Variants in STK10 observed in about 807,000 individuals in gnomAD.
STK10 encodes serine/threonine kinase 10.
In STK10, 78 loss-of-function variants were observed where a neutral mutation model predicts 113.8. That is an observed-to-expected ratio of 0.69 (90% confidence interval 0.57 to 0.83). STK10 has a LOEUF of 0.83. STK10 is among the 40% of genes least tolerant of loss of function. The pLI is 0.00. For synonymous variants in STK10, 465 were observed against 494.7 expected (o/e 0.94, Z 0.80); for missense variants, 1,109 against 1,280.1 (o/e 0.87, Z 2.04).
intron 12 of STK10, among the ~76,000 whole-genome samples, chr5:172,081,243 C>T (rs945950584): frequency 4.0e-5 from 6 of 149,764 alleles, no homozygotes; most frequent in African/African-American, 1.2e-4. Flanking sequence ...CCCAGCTACT[C>T]GGGAGGCTGA....
chr5:172,050,269 G>A (rs962733831), intron 18 of STK10, among the ~76,000 whole-genome samples: 8 of 152,160 alleles, frequency 5.3e-5, no homozygotes, highest in African/African-American at 7.2e-5. Context: ...CATAAGGCCC[G>A]CCTGCTGCCG....
At chr5:172,171,618 A>G (rs2087612) in intron 1 of STK10, among the ~76,000 whole-genome samples, 72,025 of 151,900 alleles carry the variant, frequency 0.47, 19,307 homozygotes, top group African/African-American at 0.75. Flanking sequence ...AGGAAGCTGA[A>G]GCAGGAGAAT....
chr5:172,065,292 CTTTTTTT>C (rs535856789), intron 12 of STK10, among the ~76,000 whole-genome samples: 2 of 123,204 alleles, frequency 1.6e-5, no homozygotes, highest in South Asian at 5.1e-4. Flanking sequence ...TGAAAATGCA[CTTTTTTT>C]TTTTTTTTTT....
chr5:172,083,405 A>G (rs1354234256), intron 10 of STK10, among the ~76,000 whole-genome samples: 2 of 152,212 alleles, frequency 1.3e-5, no homozygotes, highest in Non-Finnish European at 2.9e-5. Context: ...AATACAAATG[A>G]AAAAGAAACT....
intron 15 of STK10, chr5:172,056,946 AGAAAGAAG>A (rs1181136020): frequency 2.7e-4 from 24 of 89,184 alleles, no homozygotes; most frequent in African/African-American, 1.4e-3. Flanking sequence ...AAAGAAAGAA[AGAAAGAAG>A]GAAAGAAAGA....
Position 172,044,971 on chromosome 5 carries a change from T to G in STK10, c.2818A>C (p.Lys940Gln), listed in dbSNP as rs1581126520. The G allele has an allele frequency of 6.2e-7, 1 of 1,614,194 alleles. No homozygotes were observed. The highest frequency in any genetic ancestry group is 8.5e-7 in the Non-Finnish European group (1 of 1,180,030). Residue 940 changes from lysine (K) to glutamine (Q), a missense_variant, in exon 19 of 19, where the codon AAG (lysine) becomes CAG (glutamine). Lys to Gln is a moderately conservative substitution (Grantham distance 53). Coordinates refer to ENST00000176763, the MANE Select transcript of STK10 (RefSeq NM_005990.4). This position sits in a 1 kb window ranked among gnomAD's most constrained non-coding sequence, Gnocchi z 4.5. ...GGGCACTCCGCCTCCTCGCTCAGCT[T>G]GAAGAACATCTCCTGCTCCCGCTTC... is the stretch of plus-strand genomic sequence containing the variant. ...QKKREQEMFF[K>Q]LSEEAECPNP...
Position 172,082,971 on chromosome 5 carries a change from T to A in STK10, c.1799A>T (p.Gln600Leu), listed in dbSNP as rs761235458. The A allele has an allele frequency of 1.2e-6, 2 of 1,613,620 alleles. No homozygotes were observed. Among genetic ancestry groups the A allele is most frequent in the Admixed American group, 1.7e-5 (1 of 59,990 alleles). ...QLEQMHKRFEQEINAKKKFFD... is the reference protein window; with the variant it reads ...QLEQMHKRFELEINAKKKFFD... ...TTTTCTCGCACTCACGTTGATTTCC[T>A]GTTCAAAACGTTTATGCATTTGCTC... is the stretch of plus-strand genomic sequence containing the variant. The change falls in exon 11 of 19, where the codon CAG (glutamine) becomes CTG (leucine). Residue 600 changes from glutamine to leucine, a missense_variant. By Grantham distance (113) the Gln-to-Leu change is moderately radical (BLOSUM62 -2). Around this residue, in one of 5 missense-constraint regions of STK10, gnomAD observed 885 missense variants for 991.1 expected, o/e 0.89. Coordinates refer to ENST00000176763, the MANE Select transcript of STK10 (RefSeq NM_005990.4). This position sits in a 1 kb window ranked among gnomAD's most constrained non-coding sequence, Gnocchi z 4.3.
In STK10 at chr5:172,082,281, C is replaced by G. The variant is rs748302809; in HGVS notation, c.1989+45G>C. On this transcript the variant is annotated intron_variant, in intron 12 of 18. Transcript: ENST00000176763. This position sits in a 1 kb window ranked among gnomAD's most constrained non-coding sequence, Gnocchi z 4.3. The stretch of plus-strand genomic sequence containing the variant: ...ACGATCACTTGCAACCAAGAAGGCC[C>G]CTAATACTCCGAGATGCCCCTGCCC... 4 of 1,462,314 alleles carry G rather than the reference C, an allele frequency of 2.7e-6. No homozygotes were observed. The highest frequency in any genetic ancestry group is 2.9e-5 in the African/African-American group (2 of 68,918). The allele number at this position is 1,462,314 out of a possible 1,614,324, so 90.6% of individuals were successfully genotyped here. A position where few individuals can be genotyped will look rare whatever the true frequency, so the allele number is the denominator to read the frequency against.
At chr5:172,056,716 A>G (rs1767769887) in intron 15 of STK10, among the ~76,000 whole-genome samples, 1 of 150,880 alleles carries the variant, frequency 6.6e-6, no homozygotes, top group Admixed American at 6.6e-5. Flanking sequence ...AAAAAAAAAA[A>G]TACAAAAATT....
intron 14 of STK10, among the ~76,000 whole-genome samples, chr5:172,059,419 C>A (rs978274208): frequency 1.6e-5 from 2 of 128,392 alleles, no homozygotes; most frequent in East Asian, 4.4e-4. Context: ...AGTGAGACAG[C>A]GAGACTCTCC....
intron 12 of STK10, among the ~76,000 whole-genome samples, chr5:172,065,887 C>T (rs1455534246): frequency 2.0e-5 from 3 of 152,188 alleles, no homozygotes; most frequent in Admixed American, 2.0e-4. Flanking sequence ...GGCAACACTC[C>T]TGCCCTCCTG....
At chr5:172,138,894 G>A (rs1769922961) in intron 2 of STK10, among the ~76,000 whole-genome samples, 2 of 152,080 alleles carry the variant, frequency 1.3e-5, no homozygotes, top group African/African-American at 4.8e-5. Flanking sequence ...GGTGCCTGTA[G>A]TCCCAGCTAC....
At chr5:172,153,749 G>A (rs1040800036) in intron 2 of STK10, among the ~76,000 whole-genome samples, 1 of 152,234 alleles carries the variant, frequency 6.6e-6, no homozygotes, top group Non-Finnish European at 1.5e-5. Context: ...TCACACAGAA[G>A]GAAATATCAA....
intron 14 of STK10, among the ~76,000 whole-genome samples, 185 bp from the exon 15 acceptor site, chr5:172,057,658 T>A (rs1056009310): frequency 6.6e-6 from 1 of 152,190 alleles, no homozygotes; most frequent in Non-Finnish European, 1.5e-5. Flanking sequence ...GCCTAGAAAC[T>A]TCCTTTAAGC....
chr5:172,057,004 GGAAA>G (rs57276469), intron 15 of STK10: 1,341 of 73,446 alleles, frequency 0.018, 37 homozygotes, highest in Admixed American at 0.057. Flanking sequence ...AGAGAAAGAA[GGAAA>G]GAAAGAAAGA....
intron 1 of STK10, 62 bp from the exon 2 acceptor site, chr5:172,156,850 G>GT (rs1170676470): frequency 1.6e-4 from 243 of 1,559,152 alleles, no homozygotes; most frequent in Non-Finnish European, 2.0e-4. Context: ...ACCTTTGGAC[G>GT]TGAGCCCGCA....
At chr5:172,113,503 C>T (rs761943441) in intron 4 of STK10, among the ~76,000 whole-genome samples, 1 of 152,044 alleles carries the variant, frequency 6.6e-6, no homozygotes, top group African/African-American at 2.4e-5. Context: ...AAGAAAAACA[C>T]GAAAATAATC....
At chr5:172,105,943 G>T (rs1020282662) in intron 6 of STK10, among the ~76,000 whole-genome samples, 5 of 152,212 alleles carry the variant, frequency 3.3e-5, no homozygotes, top group Non-Finnish European at 7.3e-5. Flanking sequence ...CGAGGAGCAG[G>T]GACGTGCCCA....
chr5:172,165,446 C>T (rs1251470244), intron 1 of STK10, among the ~76,000 whole-genome samples: 1 of 152,196 alleles, frequency 6.6e-6, no homozygotes, highest in Non-Finnish European at 1.5e-5. Flanking sequence ...GTTCCTGGGG[C>T]ACCCCTAACC....
Sources: gnomAD v4.1 joint callset for allele counts (sites outside exome capture counted in the v4.1 genomes callset) on GRCh38, gnomAD v4.1.1 for gene constraint, gnomAD v4.1.1 regional missense constraint, Gnocchi (gnomAD v3.1) non-coding constraint, MANE v1.5 for transcripts, NCBI Gene and HGNC (gene_info 2026-07-23, HGNC 2026-07-21) for gene names.